TIMP4: variants seen among roughly 807,000 people sequenced by gnomAD.
TIMP4 encodes TIMP metallopeptidase inhibitor 4, also known as metalloproteinase inhibitor 4.
In TIMP4, 28 loss-of-function variants were observed where a neutral mutation model predicts 27.3. The ratio of observed to expected loss-of-function variants is 1.03; its 90% CI spans 0.76 to 1.41. TIMP4 has a LOEUF of 1.41. Ranked by LOEUF, TIMP4 falls within the 40% of genes most tolerant of loss-of-function variation. The pLI is 0.00. For missense variants in TIMP4, 307 were observed against 285.5 expected (o/e 1.08, Z -0.54); for synonymous variants, 138 against 115.5 (o/e 1.20, Z -1.25).
At chr3:12,156,608 G>T (rs1255003907) in intron 3 of TIMP4, among the ~76,000 whole-genome samples, 1 of 152,200 alleles carries the variant, frequency 6.6e-6, no homozygotes, top group Non-Finnish European at 1.5e-5. Flanking sequence ...GGTGGCCAGG[G>T]TCACTGTACT....
At chr3:12,155,253 A>G (rs998480276) in intron 3 of TIMP4, among the ~76,000 whole-genome samples, 1 of 152,248 alleles carries the variant, frequency 6.6e-6, no homozygotes, top group African/African-American at 2.4e-5. Context: ...CAAGGAGCTT[A>G]GAAATGAGTA....
chr3:12,156,269 C>T (rs1559444421), intron 3 of TIMP4, among the ~76,000 whole-genome samples: 1 of 152,200 alleles, frequency 6.6e-6, no homozygotes, highest in South Asian at 2.1e-4. Flanking sequence ...TTCACAACTA[C>T]CAAATAGTTC....
At chr3:12,156,998 C>T in intron 2 of TIMP4, 64 bp from the exon 3 acceptor site, 3 of 1,183,678 alleles carry the variant, frequency 2.5e-6, no homozygotes, top group South Asian at 1.4e-5. Context: ...TATTAACAGA[C>T]AAAAACCTCT....
At chr3:12,154,595 T>A in intron 3 of TIMP4, 144 bp from the exon 4 acceptor site, 2 of 767,116 alleles carry the variant, frequency 2.6e-6, no homozygotes, top group Non-Finnish European at 4.2e-6. Flanking sequence ...AAGGGACCAA[T>A]AAATAAAACT....
At chr3:12,154,502 CCCCAGGGGCCCAGGTCCTTGAAAAG>C in intron 3 of TIMP4, 51 bp from the exon 4 acceptor site, 1 of 1,602,548 alleles carries the variant, frequency 6.2e-7, no homozygotes, top group African/African-American at 1.3e-5. Context: ...TCTCCTGGAG[CCCCAGGGGCCCAGGTCCTTGAAAAG>C]CCCAGAATTG....
Position 12,153,573 on chromosome 3 carries a change from C to A in TIMP4, c.617G>T (p.Ser206Ile). The A allele has an allele frequency of 5.6e-6, 9 of 1,614,116 alleles. No homozygotes were observed. The highest frequency in any genetic ancestry group is 7.6e-6 in the Non-Finnish European group (9 of 1,180,006). The change falls in exon 5 of 5, where the codon AGC becomes ATC. Residue 206 changes from serine to isoleucine, a missense_variant. Ser to Ile is a moderately radical substitution (Grantham distance 142). Transcript: ENST00000287814. ...GAGAGGCAGGTGGCCCCGGTACCAG[C>A]TGCAGGTGCCGTCAACATGCTTCAT... ...VCMKHVDGTC[S>I]WYRGHLPLRK...
Position 12,156,930 on chromosome 3 carries a change from A to G in TIMP4, c.242T>C (p.Phe81Ser), listed in dbSNP as rs1448052445. 2 of 1,612,666 alleles carry G rather than the reference A, an allele frequency of 1.2e-6. No individual in the cohort carries two copies. The highest frequency in any genetic ancestry group is 8.5e-7 in the Non-Finnish European group (1 of 1,178,782). Residue 81 changes from phenylalanine (F) to serine (S), a missense_variant, in exon 3 of 5, where the codon TTC (phenylalanine) becomes TCC (serine). Coordinates refer to ENST00000287814, the MANE Select transcript of TIMP4 (RefSeq NM_003256.4). ...ATCCTTGACTTTCTCAAACCCTTTG[A>G]ACATCTGACAGGCAATTACAAAAAA... Reference protein sequence around the residue: ...LRYEIKQIKMFKGFEKVKDVQ... With the variant: ...LRYEIKQIKMSKGFEKVKDVQ...
chr3:12,153,755 T>C, intron 4 of TIMP4, 43 bp from the exon 5 acceptor site: 2 of 1,601,890 alleles, frequency 1.2e-6, no homozygotes, highest in Non-Finnish European at 1.7e-6. Context: ...TAGGGTGTCC[T>C]TCTTTTTCCA....
Position 12,153,318 on chromosome 3 carries a change from G to A in TIMP4, c.*197C>T, listed in dbSNP as rs182058887. The A allele has an allele frequency of 6.4e-6, 4 of 626,090 alleles. No individual in the cohort carries two copies. In the East Asian group the frequency reaches 1.1e-4, roughly 17 times the overall value. 38.8% of individuals were successfully genotyped at this position (626,090 alleles called of 1,614,324 possible). A position where few individuals can be genotyped will look rare whatever the true frequency, so the allele number is the denominator to read the frequency against. On this transcript the variant is annotated 3_prime_UTR_variant, in exon 5 of 5. Coordinates refer to ENST00000287814, the MANE Select transcript of TIMP4 (RefSeq NM_003256.4). ...AAGGCTAGACTAATGGGGTTTGGGAGGCAGGGGCAACAGGCTGAGGGCAGG... is the reference window on the plus strand; with the variant it reads ...AAGGCTAGACTAATGGGGTTTGGGAAGCAGGGGCAACAGGCTGAGGGCAGG...
chr3:12,158,281 G>T (rs1408322730), intron 1 of TIMP4, among the ~76,000 whole-genome samples: 1 of 152,178 alleles, frequency 6.6e-6, no homozygotes, highest in East Asian at 1.9e-4. Flanking sequence ...AGGACAGAAC[G>T]TGTGTGTTGC....
In TIMP4 at chr3:12,157,068, T is replaced by A. The variant is rs1697479832; in HGVS notation, c.238-134A>T. ...GTTGAGGATTTTGTGTCCTCAGATG[T>A]CCCTACTGGGTTATTTTCTCTCTTA... On this transcript the variant is annotated intron_variant, in intron 2 of 4. Coordinates refer to ENST00000287814, the MANE Select transcript of TIMP4 (RefSeq NM_003256.4). The A allele has an allele frequency of 7.6e-6, 5 of 660,408 alleles. No individual in the cohort carries two copies. In the South Asian group the frequency reaches 1.0e-4, roughly 13 times the overall value. The allele number at this position is 660,408 out of a possible 1,614,324, so 40.9% of individuals were successfully genotyped here. A position where few individuals can be genotyped will look rare whatever the true frequency, so the allele number is the denominator to read the frequency against.
rs1165180325 is a variant in TIMP4 at position 12,153,516 on chromosome 3, T to G, written c.674A>C (p.Ter225SerextTer1). 1.9e-6 allele frequency: 3 copies of G among 1,613,042 alleles called. No individual in the cohort carries two copies. The highest frequency in any genetic ancestry group is 1.3e-5 in the African/African-American group (1 of 74,890). ...RKEFVDIVQP[*>S] is the part of the protein sequence containing the mutation. ...GGATGTGATGGTCACTGGTCCCTAC[T>G]AGGGCTGAACGATGTCAACAAACTC... Residue 225 changes from the stop codon to serine, a stop_lost, in exon 5 of 5, where the codon TAG becomes TCG. Coordinates refer to ENST00000287814, the MANE Select transcript of TIMP4 (RefSeq NM_003256.4).
At chr3:12,153,841 C>G in intron 4 of TIMP4, 129 bp from the exon 5 acceptor site, 1 of 984,030 alleles carries the variant, frequency 1.0e-6, no homozygotes, top group South Asian at 1.5e-5. Flanking sequence ...CTTTCCCAGT[C>G]CCCAGTCTTC....
chr3:12,157,607 G>T (rs1697496619), intron 1 of TIMP4, 125 bp from the exon 2 acceptor site: 1 of 808,738 alleles, frequency 1.2e-6, no homozygotes, highest in Non-Finnish European at 2.0e-6. Flanking sequence ...TGGCTGGGTT[G>T]TGAGCAACGT....
intron 1 of TIMP4, 82 bp downstream of exon 1, chr3:12,158,620 C>T: frequency 2.6e-6 from 4 of 1,564,382 alleles, no homozygotes; most frequent in South Asian, 2.3e-5. Flanking sequence ...CCCTTTTCCT[C>T]TGGACTCCTG....
In TIMP4 at chr3:12,157,376, C is replaced by G; in HGVS notation, c.237+9G>C. The stretch of plus-strand genomic sequence containing the variant: ...TAGGGGCTACACATCCCAGCCTGCC[C>G]CCATGTACCTTTATCTGTTTGATTT... On this transcript the variant is annotated intron_variant, in intron 2 of 4. Transcript: ENST00000287814. 6.2e-7 allele frequency: 1 copy of G among 1,613,696 alleles called. No individual in the cohort carries two copies. Among genetic ancestry groups the G allele is most frequent in the Non-Finnish European group, 8.5e-7 (1 of 1,179,672 alleles).
At chr3:12,157,330 C>G in intron 2 of TIMP4, 55 bp downstream of exon 2, 1 of 1,552,204 alleles carries the variant, frequency 6.4e-7, no homozygotes, top group South Asian at 1.1e-5. Flanking sequence ...AGAACACAGA[C>G]TCCACTTTCT....
chr3:12,153,510 C>T lies in TIMP4; in HGVS notation c.*5G>A. The T allele has an allele frequency of 6.2e-7, 1 of 1,612,886 alleles. No individual in the cohort carries two copies. The highest frequency in any genetic ancestry group is 2.2e-5 in the East Asian group (1 of 44,888). On this transcript the variant is annotated 3_prime_UTR_variant, in exon 5 of 5. Transcript: ENST00000287814. The stretch of plus-strand genomic sequence containing the variant: ...TTGAAGGGATGTGATGGTCACTGGT[C>T]CCTACTAGGGCTGAACGATGTCAAC...
Position 12,154,379 on chromosome 3 carries a change from A to G in TIMP4, c.425T>C (p.Leu142Ser). ...ATGATTCAGACTTTCCCTCTGCACC[A>G]AGGACAGGTCCTCCCAGGGCTCGAT... ...NYIEPWEDLS[L>S]VQRESLNHHY... The change falls in exon 4 of 5, where the codon TTG becomes TCG. Residue 142 changes from leucine (L) to serine (S), a missense_variant. Transcript: ENST00000287814. The G allele has an allele frequency of 1.9e-6, 3 of 1,614,236 alleles. No individual in the cohort carries two copies. Among genetic ancestry groups the G allele is most frequent in the Non-Finnish European group, 2.5e-6 (3 of 1,180,042 alleles).
Sources: allele counts gnomAD v4.1 joint callset (sites outside exome capture counted in the v4.1 genomes callset), GRCh38; gene constraint gnomAD v4.1.1; transcripts MANE v1.5; gene names NCBI Gene and HGNC (gene_info 2026-07-23, HGNC 2026-07-21).